Variants in SHTN1 observed in about 807,000 individuals in gnomAD.
SHTN1 encodes the protein shootin 1.
In SHTN1, 42 loss-of-function variants were observed where a neutral mutation model predicts 83.1. The observed-to-expected ratio is 0.51, with a 90% CI of 0.39 to 0.65. The LOEUF (loss-of-function observed/expected upper bound fraction) is 0.65, where lower values mean the gene tolerates loss of function less well. Among genes scored for constraint, SHTN1 ranks in the 30% least tolerant of loss-of-function variants. The pLI, the probability that SHTN1 is intolerant of heterozygous loss-of-function variation, is 0.00. For synonymous variants in SHTN1, 224 were observed against 247.7 expected (o/e 0.90, Z 0.90); for missense variants, 622 against 737.8 (o/e 0.84, Z 1.82).
At chr10:116,988,018 CTG>C (rs1392333225) in intron 1 of SHTN1, among the ~76,000 whole-genome samples, 3 of 151,882 alleles carry the variant, frequency 2.0e-5, no homozygotes, top group African/African-American at 7.3e-5. Flanking sequence ...TGGTACTATT[CTG>C]TACTATAATG....
At chr10:117,086,121 T>C (rs1229752882) in intron 1 of SHTN1, among the ~76,000 whole-genome samples, 1 of 152,162 alleles carries the variant, frequency 6.6e-6, no homozygotes, top group Non-Finnish European at 1.5e-5. Flanking sequence ...GGTTTCACCA[T>C]GTTAGCTAGG....
intron 1 of SHTN1, among the ~76,000 whole-genome samples, chr10:116,988,906 G>T (rs1387115332): frequency 2.6e-5 from 4 of 152,100 alleles, no homozygotes; most frequent in African/African-American, 9.7e-5. Flanking sequence ...ATCAATAAAA[G>T]CGTGTTCCTT....
intron 10 of SHTN1, among the ~76,000 whole-genome samples, chr10:116,928,389 A>G (rs1195935027): frequency 6.6e-6 from 1 of 152,198 alleles, no homozygotes; most frequent in Non-Finnish European, 1.5e-5. Flanking sequence ...AGCTTCCTAA[A>G]TCTGTAACTC....
chr10:117,075,022 T>C (rs1853132442), intron 1 of SHTN1, among the ~76,000 whole-genome samples: 1 of 152,226 alleles, frequency 6.6e-6, no homozygotes, highest in African/African-American at 2.4e-5. Context: ...CTTTTGCATT[T>C]CCTAAAATAA....
Position 116,935,478 on chromosome 10 carries a change from T to C in SHTN1, c.858+4988A>G, listed in dbSNP as rs530423063. Among the ~76,000 whole-genome samples, 5 of 152,306 alleles carry C rather than the reference T, an allele frequency of 3.3e-5. No individual in the cohort carries two copies. The South Asian group carries it at 8.3e-4, about 25-fold the overall frequency. On this transcript the variant is annotated intron_variant, in intron 9 of 16. Coordinates refer to ENST00000355371, the MANE Select transcript of SHTN1 (RefSeq NM_001127211.3). The stretch of plus-strand genomic sequence containing the variant: ...GTGATGGATTACATTTATTGATTTG[T>C]GTATGTTGAACCAGCCTTGCATCCC...
At chr10:117,061,046 C>T (rs528098672) in intron 1 of SHTN1, among the ~76,000 whole-genome samples, 1 of 152,076 alleles carries the variant, frequency 6.6e-6, no homozygotes, top group African/African-American at 2.4e-5. Flanking sequence ...AATGGTCCAC[C>T]TTTGCTGGCA....
At chr10:117,004,705 C>T (rs1851946332) in intron 1 of SHTN1, among the ~76,000 whole-genome samples, 2 of 152,266 alleles carry the variant, frequency 1.3e-5, no homozygotes, top group Admixed American at 6.5e-5. Flanking sequence ...AGGAAGGTGG[C>T]ACTGTGCAAC....
intron 1 of SHTN1, among the ~76,000 whole-genome samples, chr10:117,124,145 A>G (rs2133650217): frequency 6.6e-6 from 1 of 150,804 alleles, no homozygotes; most frequent in East Asian, 2.0e-4. Context: ...TGGGAGGTTG[A>G]AGCTGCAGTG....
At chr10:117,060,741 T>C (rs146247203) in intron 1 of SHTN1, among the ~76,000 whole-genome samples, 25 of 152,380 alleles carry the variant, frequency 1.6e-4, no homozygotes, top group Non-Finnish European at 3.2e-4. Flanking sequence ...ATCTTCATGA[T>C]GACTGTACCA....
At chr10:116,998,742 A>G (rs1162869751) in intron 1 of SHTN1, among the ~76,000 whole-genome samples, 2 of 152,080 alleles carry the variant, frequency 1.3e-5, no homozygotes, top group African/African-American at 2.4e-5. Context: ...CTCATCTTGT[A>G]TATTTCCTGC....
intron 1 of SHTN1, among the ~76,000 whole-genome samples, chr10:116,990,537 A>G (rs916006176): frequency 1.3e-5 from 2 of 152,074 alleles, no homozygotes; most frequent in African/African-American, 4.8e-5. Context: ...TTGTCTTAAC[A>G]TTCACTGCCT....
chr10:116,944,112 C>A (rs1849488487), intron 8 of SHTN1, among the ~76,000 whole-genome samples: 1 of 152,162 alleles, frequency 6.6e-6, no homozygotes, highest in South Asian at 2.1e-4. Context: ...GACAGCACTG[C>A]ACAATGGCTG....
At chr10:117,100,874 A>C (rs550562341) in intron 1 of SHTN1, among the ~76,000 whole-genome samples, 1 of 152,310 alleles carries the variant, frequency 6.6e-6, no homozygotes, top group Non-Finnish European at 1.5e-5. Context: ...TAAGTTTGGG[A>C]AATGGCCCGT....
chr10:117,091,951 G>A (rs934123124), intron 1 of SHTN1, among the ~76,000 whole-genome samples: 2 of 152,314 alleles, frequency 1.3e-5, no homozygotes, highest in East Asian at 3.9e-4. Context: ...ACTGCCATGT[G>A]TCAAGTGATC....
At chr10:117,086,256 A>G (rs940021143) in intron 1 of SHTN1, among the ~76,000 whole-genome samples, 1 of 152,210 alleles carries the variant, frequency 6.6e-6, no homozygotes, top group Non-Finnish European at 1.5e-5. Flanking sequence ...TAATATAGCT[A>G]TGCCAACTTT....
chr10:117,044,418 GA>G (rs906404403), intron 2 of SHTN1, among the ~76,000 whole-genome samples: 2 of 151,462 alleles, frequency 1.3e-5, no homozygotes, highest in East Asian at 1.9e-4. Flanking sequence ...ATAACTATTG[GA>G]AAAAAAAGGA....
chr10:117,114,379 G>T (rs1387838474), intron 1 of SHTN1, among the ~76,000 whole-genome samples: 5 of 152,176 alleles, frequency 3.3e-5, no homozygotes, highest in African/African-American at 9.7e-5. Context: ...ATAGAAAAGG[G>T]GCTGTGGTTT....
chr10:116,892,823 C>T (rs1197995137), intron 16 of SHTN1, among the ~76,000 whole-genome samples: 4 of 152,100 alleles, frequency 2.6e-5, no homozygotes, highest in African/African-American at 9.7e-5. Flanking sequence ...AATAAAAAAA[C>T]CTCCCCTCTA....
chr10:116,959,491 T>C (rs1850101852), intron 4 of SHTN1, among the ~76,000 whole-genome samples: 1 of 152,194 alleles, frequency 6.6e-6, no homozygotes, highest in Admixed American at 6.5e-5. Flanking sequence ...TGGTTGAAAA[T>C]TGCTGTAATC....
Sources: allele counts gnomAD v4.1 joint callset (sites outside exome capture counted in the v4.1 genomes callset), GRCh38; gene constraint gnomAD v4.1.1; transcripts MANE v1.5; gene names NCBI Gene and HGNC (gene_info 2026-07-23, HGNC 2026-07-21).